The following OCRL variants were observed in gnomAD, a reference collection of about 807,000 sequenced individuals.
OCRL encodes the protein inositol polyphosphate 5-phosphatase OCRL.
A neutral mutation model predicts 78.9 loss-of-function variants in OCRL; 8 were observed. The observed-to-expected ratio is 0.10, with a 90% CI of 0.06 to 0.18. The LOEUF (loss-of-function observed/expected upper bound fraction) is 0.18, where lower values mean the gene tolerates loss of function less well. OCRL is among the 10% of genes least tolerant of loss of function. OCRL has a pLI of 1.00. For synonymous variants in OCRL, 240 were observed against 235.4 expected (o/e 1.02, Z -0.18); for missense variants, 454 against 696.7 (o/e 0.65, Z 3.92).
At chrX:129,582,374 C>G (rs1936454273) in intron 18 of OCRL, among the ~76,000 whole-genome samples, 1 of 112,647 alleles carries the variant, frequency 8.9e-6, no homozygotes, top group Admixed American at 9.4e-5. Context: ...ATCCTCATTT[C>G]TCATTGCCTT....
intron 10 of OCRL, 63 bp from the exon 11 acceptor site, chrX:129,562,321 C>A: frequency 1.2e-6 from 1 of 848,593 alleles, no homozygotes; most frequent in Non-Finnish European, 1.8e-6. Flanking sequence ...AGTCGTGGGA[C>A]ATTAGAAATG....
At chrX:129,566,258 T>C (rs1936215245) in intron 13 of OCRL, among the ~76,000 whole-genome samples, 1 of 111,629 alleles carries the variant, frequency 9.0e-6, no homozygotes, top group Non-Finnish European at 1.9e-5. Flanking sequence ...TGAAAACTGT[T>C]CTATGATTAC....
rs1022564176 is a variant in OCRL at position 129,587,201 on chromosome X, G to A, written c.2256+83G>A. 7.6e-5 allele frequency: 48 copies of A among 635,385 alleles called. No individual in the cohort carries two copies. The Admixed American group carries it at 9.9e-4, about 13-fold the overall frequency. The allele number at this position is 635,385 out of a possible 1,213,427, so 52.4% of individuals were successfully genotyped here. ...TCACAACACCTCACGTCAGCATAGC[G>A]CTTTTAACTTTCCCAAGCTACCTGC... On this transcript the variant is annotated intron_variant, in intron 20 of 23. Transcript: ENST00000371113.
At position 129,584,384 on chromosome X, in the gene OCRL, G is replaced by T. The variant is rs770862031; in HGVS notation, c.2139+17G>T. Reference sequence around the variant, plus strand: ...CTAGAAAAGGTAATGCAATCCATTGGTGGTTATGAGAGTTTCCCTGTGCTT... The same window carrying T: ...CTAGAAAAGGTAATGCAATCCATTGTTGGTTATGAGAGTTTCCCTGTGCTT... On this transcript the variant is annotated intron_variant, in intron 19 of 23. Transcript: ENST00000371113. 1.7e-6 allele frequency: 2 copies of T among 1,196,505 alleles called. No individual in the cohort carries two copies. The highest frequency in any genetic ancestry group is 2.3e-6 in the Non-Finnish European group (2 of 881,620).
intron 2 of OCRL, among the ~76,000 whole-genome samples, chrX:129,542,341 A>G (rs1935818115): frequency 9.1e-6 from 1 of 110,164 alleles, no homozygotes; most frequent in Non-Finnish European, 1.9e-5. Context: ...GTAACACTAT[A>G]TAACAACTAT....
At chrX:129,540,598 G>A (rs1935777134) in intron 1 of OCRL, 120 bp downstream of exon 1, 8 of 831,265 alleles carry the variant, frequency 9.6e-6, no homozygotes, top group African/African-American at 2.1e-5. Flanking sequence ...CAGAGAGGGG[G>A]AGGGGGCCGG....
chrX:129,544,912 T>C (rs1935857667), intron 2 of OCRL, 46 bp from the exon 3 acceptor site: 1 of 780,939 alleles, frequency 1.3e-6, no homozygotes, highest in African/African-American at 2.0e-5. Flanking sequence ...TTTTGCTAAA[T>C]GAGTTTTTCA....
At chrX:129,556,240 A>T in intron 4 of OCRL, among the ~76,000 whole-genome samples, 1 of 112,081 alleles carries the variant, frequency 8.9e-6, no homozygotes, top group East Asian at 2.8e-4. Flanking sequence ...AGTCCAGTTC[A>T]TCAGTCATTA....
chrX:129,546,087 A>G, intron 3 of OCRL, among the ~76,000 whole-genome samples: 1 of 112,087 alleles, frequency 8.9e-6, no homozygotes, highest in East Asian at 2.8e-4. Context: ...TTTAATCACT[A>G]AGTGACATGT....
At chrX:129,549,556 T>A (rs978546805) in intron 4 of OCRL, 24 of 111,060 alleles carry the variant, frequency 2.2e-4, no homozygotes, top group Admixed American at 1.8e-3. Flanking sequence ...ATTTTAGAAG[T>A]CTTAAAGGCT....
At chrX:129,573,721 A>AT (rs1221165760) in intron 15 of OCRL, among the ~76,000 whole-genome samples, 8 of 106,909 alleles carry the variant, frequency 7.5e-5, no homozygotes, top group African/African-American at 2.0e-4. Context: ...TGCCTGGCTA[A>AT]TTTTTTTTTT....
In OCRL at chrX:129,540,817, A is replaced by G; in HGVS notation, c.113A>G (p.Gln38Arg). Residue 38 changes from glutamine to arginine, a missense_variant, in exon 2 of 24, where the codon CAA becomes CGA. Coordinates refer to ENST00000371113, the MANE Select transcript of OCRL (RefSeq NM_000276.4). Reference sequence around the variant, plus strand: ...CTGACCCTAGCCCAGAGGAACGGGCAATATGAGTAAGTAACCACCTGATTC... The same window carrying G: ...CTGACCCTAGCCCAGAGGAACGGGCGATATGAGTAAGTAACCACCTGATTC... ...CALTLAQRNGQYELIIQLHEK... is the reference protein window; with the variant it reads ...CALTLAQRNGRYELIIQLHEK... 1.7e-6 allele frequency: 2 copies of G among 1,202,149 alleles called. No individual in the cohort carries two copies. The highest frequency in any genetic ancestry group is 1.8e-5 in the South Asian group (1 of 56,742).
intron 5 of OCRL, among the ~76,000 whole-genome samples, chrX:129,557,655 C>T (rs375248061): frequency 3.6e-5 from 4 of 111,494 alleles, no homozygotes; most frequent in African/African-American, 1.3e-4. Flanking sequence ...AGTGTCATGG[C>T]AAGCACAGCT....
chrX:129,575,285 T>TAAC, intron 16 of OCRL, 35 bp downstream of exon 16: 4 of 930,977 alleles, frequency 4.3e-6, no homozygotes, highest in Non-Finnish European at 6.2e-6. Context: ...TGTCTACTGC[T>TAAC]CACTGTGGTT....
At chrX:129,589,818 A>G in intron 22 of OCRL, 27 bp from the exon 23 acceptor site, 1 of 1,065,780 alleles carries the variant, frequency 9.4e-7, no homozygotes, top group Non-Finnish European at 1.3e-6. Context: ...TGTTTTTCTC[A>G]CTGCCTGCCC....
chrX:129,555,935 C>T (rs1194401706), intron 4 of OCRL, among the ~76,000 whole-genome samples: 1 of 111,605 alleles, frequency 9.0e-6, no homozygotes, highest in Non-Finnish European at 1.9e-5. Flanking sequence ...ATCTTCATGG[C>T]TGCTATAATT....
chrX:129,565,205 G>C (rs1209247437), intron 12 of OCRL, among the ~76,000 whole-genome samples: 1 of 111,979 alleles, frequency 8.9e-6, no homozygotes, highest in Non-Finnish European at 1.9e-5. Flanking sequence ...CTAAGGGCCT[G>C]TTGCTGTTAT....
chrX:129,557,890 A>T lies in OCRL; in HGVS notation c.379A>T (p.Lys127Ter). ...GTCACAGCTTCTTGTTCCAGAGCAA[A>T]AGGACTCATCTAGCTGGTACCAGAA... is the stretch of plus-strand genomic sequence containing the variant. ...AQSQLLVPEQ[K>*]DSSSWYQKLD... Residue 127 changes from lysine (K) to a stop codon, truncating the protein, a stop_gained, in exon 6 of 24, where the codon AAG (lysine) becomes TAG (stop). Coordinates refer to ENST00000371113, the MANE Select transcript of OCRL (RefSeq NM_000276.4). LOFTEE classifies it high-confidence loss of function. 1 of 1,205,700 alleles carries T rather than the reference A, an allele frequency of 8.3e-7. No individual in the cohort carries two copies. The highest frequency in any genetic ancestry group is 1.1e-6 in the Non-Finnish European group (1 of 889,768).
intron 18 of OCRL, among the ~76,000 whole-genome samples, chrX:129,581,064 T>C (rs1294801032): frequency 8.9e-6 from 1 of 111,941 alleles, no homozygotes; most frequent in African/African-American, 3.3e-5. Context: ...GGGGTTTTAC[T>C]GTGTTGGCCA....
Sources: allele counts gnomAD v4.1 joint callset (sites outside exome capture counted in the v4.1 genomes callset), GRCh38; gene constraint gnomAD v4.1.1; transcripts MANE v1.5; gene names NCBI Gene and HGNC (gene_info 2026-07-23, HGNC 2026-07-21).